Variants in SLCO1B3 observed in about 807,000 individuals in gnomAD.
SLCO1B3 encodes liver-specific organic anion transporter 2.
A neutral mutation model predicts 71.8 loss-of-function variants in SLCO1B3; 72 were observed. That is an observed-to-expected ratio of 1.00 (90% CI 0.83 to 1.22). SLCO1B3 has a LOEUF of 1.22. Ranked by LOEUF, SLCO1B3 falls within the 50% of genes most tolerant of loss-of-function variation. SLCO1B3 has a pLI of 0.00. For synonymous variants in SLCO1B3, 298 were observed against 278.4 expected (o/e 1.07, Z -0.70); for missense variants, 911 against 819.7 (o/e 1.11, Z -1.36).
rs748711438 is a variant in SLCO1B3, at chr12:20,879,535, T to G, written c.1235T>G (p.Phe412Cys). The G allele has an allele frequency of 2.5e-5, 41 of 1,612,478 alleles. No individual in the cohort carries two copies. The highest frequency in any genetic ancestry group is 3.3e-5 in the Non-Finnish European group (39 of 1,178,788). The stretch of plus-strand genomic sequence containing the variant: ...TTAGTTGGAATTGCCAAATTTTCAT[T>G]TCTTACTTCGATGATATCCTTCTTG... ...LSLVGIAKFS[F>C]LTSMISFLFQ... is the part of the protein sequence containing the mutation. The change falls in exon 11 of 16, where the codon TTT becomes TGT. Residue 412 changes from phenylalanine to cysteine, a missense_variant. Phe to Cys is a radical substitution (Grantham distance 205). Coordinates refer to ENST00000381545, the MANE Select transcript of SLCO1B3 (RefSeq NM_019844.4).
intron 3 of SLCO1B3, among the ~76,000 whole-genome samples, chr12:20,824,951 A>G (rs956468204): frequency 1.1e-4 from 17 of 152,164 alleles, no homozygotes; most frequent in African/African-American, 3.6e-4. Flanking sequence ...GTGATAACTC[A>G]AAGTTTTTTT....
At chr12:20,848,765 A>G (rs975798747) in intron 3 of SLCO1B3, among the ~76,000 whole-genome samples, 3 of 152,146 alleles carry the variant, frequency 2.0e-5, no homozygotes, top group Non-Finnish European at 4.4e-5. Flanking sequence ...TTTCAAATAT[A>G]TGAGATTCTG....
At position 20,877,796 on chromosome 12, in the gene SLCO1B3, T is replaced by A. The variant is rs1865610882; in HGVS notation, c.995T>A (p.Ile332Asn). 6.7e-7 allele frequency: 1 copy of A among 1,486,994 alleles called. No individual in the cohort carries two copies. The highest frequency in any genetic ancestry group is 9.0e-7 in the Non-Finnish European group (1 of 1,114,816). The allele number at this position is 1,486,994 out of a possible 1,614,324, so 92.1% of individuals were successfully genotyped here. ...VTGFFQSLKS[I>N]LTNPLYVIFL... ...GGTTTTTTCCAGTCTTTGAAAAGCA[T>A]CCTTACCAATCCCCTGTATGTTATA... Residue 332 changes from isoleucine to asparagine, a missense_variant, in exon 10 of 16, where the codon ATC becomes AAC. Coordinates refer to ENST00000381545, the MANE Select transcript of SLCO1B3 (RefSeq NM_019844.4).
chr12:20,904,588 C>G (rs1280736358), intron 15 of SLCO1B3, among the ~76,000 whole-genome samples: 4 of 151,848 alleles, frequency 2.6e-5, no homozygotes, highest in African/African-American at 9.7e-5. Context: ...ATCTACCATT[C>G]TGGAGTCTGG....
At position 20,832,919 on chromosome 12, in the gene SLCO1B3, G is replaced by A. The variant is rs371477699; in HGVS notation, c.84+17097G>A. 4.4e-4 allele frequency among the ~76,000 whole-genome samples: 67 copies of A among 150,602 alleles called. 1 individual carries two copies. The highest frequency in any genetic ancestry group is 9.0e-4 in the Non-Finnish European group (61 of 67,694). On this transcript the variant is annotated intron_variant, in intron 3 of 15. Transcript: ENST00000381545. ...TGTGTAGAAGTGCGTGTTTGCGCAC[G>A]TGTGTTTAATGGCATAAAACAAACA...
At chr12:20,912,263 A>T (rs977219210) in intron 15 of SLCO1B3, among the ~76,000 whole-genome samples, 3 of 150,848 alleles carry the variant, frequency 2.0e-5, no homozygotes, top group Admixed American at 1.3e-4. Context: ...ATATTACATG[A>T]TTTTCATTCT....
chr12:20,838,921 C>T (rs1343839898), intron 3 of SLCO1B3, among the ~76,000 whole-genome samples: 1 of 151,772 alleles, frequency 6.6e-6, no homozygotes, highest in East Asian at 1.9e-4. Context: ...TTATATAATA[C>T]CATTAATTTT....
chr12:20,869,764 A>C (rs1196084862), intron 8 of SLCO1B3, among the ~76,000 whole-genome samples: 2 of 152,204 alleles, frequency 1.3e-5, no homozygotes, highest in Non-Finnish European at 2.9e-5. Context: ...TTTCACATTT[A>C]GACTGCTGTG....
At chr12:20,840,807 C>T (rs1200285227) in intron 3 of SLCO1B3, among the ~76,000 whole-genome samples, 1 of 152,024 alleles carries the variant, frequency 6.6e-6, no homozygotes, top group Non-Finnish European at 1.5e-5. Context: ...TAGATAACAC[C>T]AGAGCTTATG....
chr12:20,833,319 G>T (rs1864583015), intron 3 of SLCO1B3, among the ~76,000 whole-genome samples: 1 of 151,724 alleles, frequency 6.6e-6, no homozygotes, highest in South Asian at 2.1e-4. Flanking sequence ...TGGAGATTAG[G>T]ACCTGGATGT....
intron 3 of SLCO1B3, among the ~76,000 whole-genome samples, chr12:20,840,457 T>C (rs921747192): frequency 6.6e-6 from 1 of 151,130 alleles, no homozygotes; most frequent in Non-Finnish European, 1.5e-5. Context: ...AGTGGTGTGA[T>C]CTTAGCTCAC....
intron 13 of SLCO1B3, among the ~76,000 whole-genome samples, chr12:20,888,889 T>A (rs1328394945): frequency 1.3e-5 from 2 of 152,128 alleles, no homozygotes; most frequent in African/African-American, 4.8e-5. Flanking sequence ...GGTAAGTGTT[T>A]TTATCATAAA....
intron 4 of SLCO1B3, 33 bp downstream of exon 4, chr12:20,855,202 C>G: frequency 6.4e-7 from 1 of 1,562,844 alleles, no homozygotes; most frequent in Non-Finnish European, 8.8e-7. Context: ...GATAACCATA[C>G]TTGCATAAGT....
At chr12:20,847,855 C>A (rs1260613187) in intron 3 of SLCO1B3, among the ~76,000 whole-genome samples, 1 of 151,880 alleles carries the variant, frequency 6.6e-6, no homozygotes, top group Admixed American at 6.6e-5. Flanking sequence ...GAGAACACCA[C>A]AAATTTGATG....
Position 20,879,492 on chromosome 12 carries a change from A to T in SLCO1B3, c.1192A>T (p.Lys398Ter). The change falls in exon 11 of 16, where the codon AAA (lysine) becomes TAA (stop). Residue 398 changes from lysine (K) to a stop codon, truncating the protein, a stop_gained. Transcript: ENST00000381545. LOFTEE classifies it high-confidence loss of function. ...AATGTTTTTAGGAGGATTTATCATT[A>T]AAAAATTCAAATTGTCTTTAGTTGG... ...TGMFLGGFII[K>*]KFKLSLVGIA... The T allele has an allele frequency of 6.2e-7, 1 of 1,611,278 alleles. No individual in the cohort carries two copies. The highest frequency in any genetic ancestry group is 8.5e-7 in the Non-Finnish European group (1 of 1,177,688).
At chr12:20,885,428 G>T (rs1177492062) in intron 13 of SLCO1B3, among the ~76,000 whole-genome samples, 3 of 151,902 alleles carry the variant, frequency 2.0e-5, no homozygotes, top group Non-Finnish European at 4.4e-5. Context: ...GTGGGGATAG[G>T]GTACAGGGAG....
intron 4 of SLCO1B3, 22 bp from the exon 5 acceptor site, chr12:20,858,417 C>T (rs1394372725): frequency 6.6e-7 from 1 of 1,519,162 alleles, no homozygotes; most frequent in African/African-American, 1.4e-5. Context: ...GTCATATCAA[C>T]ATAATTTTGT....
chr12:20,904,338 G>T (rs1227925170), intron 15 of SLCO1B3, among the ~76,000 whole-genome samples: 1 of 151,970 alleles, frequency 6.6e-6, no homozygotes, highest in Non-Finnish European at 1.5e-5. Flanking sequence ...AAACAAAGGG[G>T]TTACAAGCCC....
At chr12:20,896,374 G>A (rs934921551) in intron 13 of SLCO1B3, among the ~76,000 whole-genome samples, 2 of 152,124 alleles carry the variant, frequency 1.3e-5, no homozygotes, top group African/African-American at 4.8e-5. Context: ...GTCACCTCTT[G>A]AATGCTTTGC....
Sources: allele counts gnomAD v4.1 joint callset (sites outside exome capture counted in the v4.1 genomes callset), GRCh38; gene constraint gnomAD v4.1.1; transcripts MANE v1.5; gene names NCBI Gene and HGNC (gene_info 2026-07-23, HGNC 2026-07-21).